The following PFKM variants were observed in gnomAD, a reference collection of about 807,000 sequenced individuals.
PFKM encodes the protein ATP-dependent 6-phosphofructokinase, muscle type.
A neutral mutation model predicts 95.5 loss-of-function variants in PFKM; 58 were observed. The observed-to-expected ratio is 0.61, with a 90% confidence interval of 0.49 to 0.76. The LOEUF is 0.76. Ranked by LOEUF, PFKM falls within the 30% of genes least tolerant of loss-of-function variation. The probability of loss-of-function intolerance (pLI) is 0.00; values close to 1 mark genes in which losing one functional copy is unlikely to be tolerated. For missense variants in PFKM, 678 were observed against 1,005.4 expected (o/e 0.67, Z 4.40); for synonymous variants, 336 against 357.2 (o/e 0.94, Z 0.67).
intron 15 of PFKM, 151 bp downstream of exon 15, chr12:48,141,532 C>T (rs750181539): frequency 7.7e-6 from 6 of 780,164 alleles, no homozygotes; most frequent in Non-Finnish European, 1.1e-5. Flanking sequence ...GCAGACATGC[C>T]CATCTCAACA....
intron 4 of PFKM, chr12:48,132,355 C>T (rs1949595112): frequency 3.4e-6 from 1 of 294,400 alleles, no homozygotes; most frequent in Admixed American, 4.9e-5. Context: ...GCTGCTAGCA[C>T]CATGGATTGC....
rs550461768 is a variant in PFKM, at chr12:48,139,422, C to T, written c.1127+73C>T. ...AACGAAGCCAAAGATCTCCATGGCT[C>T]CAGGCCCAAAACATGAGCTTCTGCT... On this transcript the variant is annotated intron_variant, in intron 12 of 22. Transcript: ENST00000359794. The T allele has an allele frequency of 2.6e-4, 305 of 1,156,364 alleles. 1 individual carries two copies. The highest frequency in any genetic ancestry group is 3.5e-4 in the Non-Finnish European group (271 of 767,344). 71.6% of individuals were successfully genotyped at this position (1,156,364 alleles called of 1,614,324 possible). A position where few individuals can be genotyped will look rare whatever the true frequency, so the allele number is the denominator to read the frequency against.
At chr12:48,109,868 CCTT>C (rs1947031958) in intron 3 of PFKM, among the ~76,000 whole-genome samples, 1 of 152,218 alleles carries the variant, frequency 6.6e-6, no homozygotes, top group Admixed American at 6.5e-5. Flanking sequence ...TACTCTTCCT[CCTT>C]CTTTGACTTC....
At chr12:48,137,868 C>T in intron 11 of PFKM, 22 bp downstream of exon 11, 1 of 1,613,834 alleles carries the variant, frequency 6.2e-7, no homozygotes, top group South Asian at 1.1e-5. Flanking sequence ...TCCTAAACCC[C>T]TTTCTTAACA....
At chr12:48,119,573 G>C (rs1340858209) in intron 1 of PFKM, 167 bp downstream of exon 1, 3 of 214,218 alleles carry the variant, frequency 1.4e-5, no homozygotes, top group Non-Finnish European at 2.4e-5. Context: ...CAGTCGTGAA[G>C]GATCCTAGCC....
chr12:48,119,229 C>A (rs912790500), upstream of PFKM: 22 of 974,864 alleles, frequency 2.3e-5, no homozygotes, highest in South Asian at 5.2e-4. Flanking sequence ...GAAAGGCAAG[C>A]AGGAGGAGGC....
At chr12:48,142,316 TACAAAAA>T (rs1950642086) in intron 17 of PFKM, 1 of 509,570 alleles carries the variant, frequency 2.0e-6, no homozygotes, top group Admixed American at 3.2e-5. Context: ...CTACTAAAAA[TACAAAAA>T]CTAGCTGGGT....
In PFKM at chr12:48,141,807, GTCA is replaced by G; in HGVS notation, c.1485_1487del (p.Ile496del). On this transcript the variant is annotated inframe_deletion, in exon 16 of 23. Transcript: ENST00000359794. ...AACTAAGTTTAACATTCAGGGCCTT[GTCA>G]TCATTGGGGGCTTTGAGGTGAGTGC... 6.2e-7 allele frequency: 1 copy of G among 1,613,912 alleles called. No homozygotes were observed.
chr12:48,111,365 C>G (rs1396782865), intron 3 of PFKM, among the ~76,000 whole-genome samples: 1 of 152,198 alleles, frequency 6.6e-6, no homozygotes, highest in African/African-American at 2.4e-5. Context: ...AGTAAAGCAG[C>G]CTTGAGAAGA....
Position 48,142,008 on chromosome 12 carries a change from A to G in PFKM, c.1595A>G (p.Asn532Ser). ...FVVIPATVSN[N>S]VPGSDFSVGA... is the part of the protein sequence containing the mutation. ...GTCATTCCTGCTACAGTCTCCAACA[A>G]TGTCCCTGGCTCAGACTTCAGCGTT... The change falls in exon 17 of 23, where the codon AAT (asparagine) becomes AGT (serine). Residue 532 changes from asparagine to serine, a missense_variant. By Grantham distance (46) the Asn-to-Ser change is conservative. Transcript: ENST00000359794. 1.2e-6 allele frequency: 2 copies of G among 1,614,124 alleles called. No homozygotes were observed. Among genetic ancestry groups the G allele is most frequent in the Non-Finnish European group, 8.5e-7 (1 of 1,180,008 alleles).
intron 3 of PFKM, among the ~76,000 whole-genome samples, chr12:48,110,373 C>A (rs1947074415): frequency 6.6e-6 from 1 of 152,144 alleles, no homozygotes; most frequent in Admixed American, 6.5e-5. Flanking sequence ...ATGATAGGAT[C>A]ATATTGCGTT....
At chr12:48,113,296 G>C (rs1947369933) in intron 3 of PFKM, among the ~76,000 whole-genome samples, 1 of 152,166 alleles carries the variant, frequency 6.6e-6, no homozygotes, top group Admixed American at 6.5e-5. Flanking sequence ...CCTCCGTATT[G>C]ATTAAGAAGG....
chr12:48,141,565 A>G (rs1267787534), intron 15 of PFKM, 175 bp from the exon 16 acceptor site: 1 of 755,720 alleles, frequency 1.3e-6, no homozygotes, highest in Non-Finnish European at 2.4e-6. Context: ...CTGGCAACTT[A>G]GAGCTCCAGT....
At chr12:48,140,914 A>T in intron 14 of PFKM, 43 bp downstream of exon 14, 3 of 1,607,122 alleles carry the variant, frequency 1.9e-6, no homozygotes, top group Non-Finnish European at 2.6e-6. Flanking sequence ...CATGGGGAAG[A>T]TAAGTGTAGC....
chr12:48,138,112 T>C (rs1398703326), intron 11 of PFKM, among the ~76,000 whole-genome samples: 4 of 152,212 alleles, frequency 2.6e-5, no homozygotes, highest in Admixed American at 1.3e-4. Context: ...TCTCATAATA[T>C]ACAACCTCAA....
In PFKM at chr12:48,132,927, C is replaced by T. The variant is rs1181881387; in HGVS notation, c.297C>T (p.Leu99=). The T allele has an allele frequency of 1.1e-5, 17 of 1,614,160 alleles. No individual in the cohort carries two copies. Among genetic ancestry groups the T allele is most frequent in the Non-Finnish European group, 1.2e-5 (14 of 1,180,032 alleles). Residue 99 remains leucine, a synonymous_variant, in exon 5 of 23, where the codon CTC becomes CTT. Coordinates refer to ENST00000359794, the MANE Select transcript of PFKM (RefSeq NM_000289.6). The part of the protein sequence containing the change: ...CKDFREREGR[L]RAAYNLVKRG... ...ACTTTCGGGAACGAGAAGGACGACT[C>T]CGAGCTGCCTACAACCTGGTGAAGC...
chr12:48,143,218 C>T (rs2136024928), intron 18 of PFKM, among the ~76,000 whole-genome samples: 1 of 152,290 alleles, frequency 6.6e-6, no homozygotes, highest in African/African-American at 2.4e-5. Flanking sequence ...AATAGACATG[C>T]AAAGAAGATA....
chr12:48,134,584 T>C (rs962883931), intron 7 of PFKM, 137 bp from the exon 8 acceptor site: 4 of 767,966 alleles, frequency 5.2e-6, no homozygotes, highest in Non-Finnish European at 9.1e-6. Context: ...CCCGGTGCTC[T>C]TACCCTTGCC....
intron 13 of PFKM, 74 bp from the exon 14 acceptor site, chr12:48,140,648 C>T: frequency 6.9e-7 from 1 of 1,454,326 alleles, no homozygotes; most frequent in Non-Finnish European, 9.7e-7. Context: ...GAGCCCTTGC[C>T]CTCCTTTACT....
Sources: gnomAD v4.1 joint callset for allele counts (sites outside exome capture counted in the v4.1 genomes callset) on GRCh38, gnomAD v4.1.1 for gene constraint, MANE v1.5 for transcripts, NCBI Gene and HGNC (gene_info 2026-07-23, HGNC 2026-07-21) for gene names.